The following MALRD1 variants were observed in gnomAD, a reference collection of about 807,000 sequenced individuals.
MALRD1 encodes MAM and LDL receptor class A domain containing 1.
A neutral mutation model predicts 242.1 loss-of-function variants in MALRD1; 247 were observed. The observed-to-expected ratio is 1.02, with a 90% CI of 0.92 to 1.13. MALRD1 has a LOEUF of 1.13. Ranked by LOEUF, MALRD1 falls within the 50% of genes most tolerant of loss-of-function variation. The probability of loss-of-function intolerance (pLI) is 0.00; values close to 1 mark genes in which losing one functional copy is unlikely to be tolerated. For synonymous variants in MALRD1, 995 were observed against 866.6 expected, an observed-to-expected ratio of 1.15 and a Z score of -2.60; for missense variants, 2,989 against 2,533.1, an observed-to-expected ratio of 1.18 and a Z score of -3.86.
intron 5 of MALRD1, among the ~76,000 whole-genome samples, chr10:19,112,408 A>G (rs561375689): frequency 1.3e-5 from 2 of 152,200 alleles, no homozygotes; most frequent in Admixed American, 1.3e-4. Context: ...GAGGATAGGG[A>G]TAGGGCTTCT....
At chr10:19,603,173 G>A (rs1838447248) in intron 34 of MALRD1, among the ~76,000 whole-genome samples, 1 of 151,952 alleles carries the variant, frequency 6.6e-6, no homozygotes, top group Non-Finnish European at 1.5e-5. Context: ...AATTTCTTTT[G>A]CTGTGCAGAA....
At chr10:19,587,448 G>T (rs1002632510) in intron 33 of MALRD1, among the ~76,000 whole-genome samples, 23 of 152,248 alleles carry the variant, frequency 1.5e-4, no homozygotes, top group Middle Eastern at 3.4e-3. Context: ...CTTCAAAACA[G>T]ACAATTTTCC....
At chr10:19,101,086 A>T (rs1836232650) in intron 4 of MALRD1, among the ~76,000 whole-genome samples, 1 of 151,704 alleles carries the variant, frequency 6.6e-6, no homozygotes, top group Admixed American at 6.6e-5. Flanking sequence ...GCTGTTTTAC[A>T]TGTTCGCAAC....
chr10:19,479,116 T>C (rs868560674), intron 29 of MALRD1, among the ~76,000 whole-genome samples: 10 of 152,326 alleles, frequency 6.6e-5, no homozygotes, highest in South Asian at 4.1e-4. Context: ...TCAAAAGATA[T>C]CTAGGTTTTG....
At chr10:19,168,511 T>C (rs1834793982) in intron 13 of MALRD1, among the ~76,000 whole-genome samples, 1 of 152,246 alleles carries the variant, frequency 6.6e-6, no homozygotes, top group African/African-American at 2.4e-5. Context: ...CATTTCTGTC[T>C]ACAGCTGGAA....
chr10:19,332,569 A>G (rs1588924026), intron 24 of MALRD1, among the ~76,000 whole-genome samples: 2 of 152,324 alleles, frequency 1.3e-5, no homozygotes, highest in East Asian at 1.9e-4. Context: ...AGGTTGACAA[A>G]TTATGTCACC....
intron 11 of MALRD1, among the ~76,000 whole-genome samples, chr10:19,151,838 C>T (rs1356329140): frequency 6.6e-6 from 1 of 152,066 alleles, no homozygotes; most frequent in Non-Finnish European, 1.5e-5. Flanking sequence ...TATTAAACCC[C>T]TCTTGCACTC....
At chr10:19,160,606 T>C (rs1277849824) in intron 12 of MALRD1, among the ~76,000 whole-genome samples, 1 of 19,134 alleles carries the variant, frequency 5.2e-5, no homozygotes, top group African/African-American at 2.4e-4. Flanking sequence ...CTCTTTTTGG[T>C]TGGTAAACTA....
At chr10:19,204,637 T>C (rs1270660590) in intron 16 of MALRD1, among the ~76,000 whole-genome samples, 4 of 152,176 alleles carry the variant, frequency 2.6e-5, no homozygotes, top group Non-Finnish European at 5.9e-5. Flanking sequence ...CCCCCAACCA[T>C]GGATTATAAT....
At chr10:19,084,198 A>T (rs747083245) in intron 2 of MALRD1, among the ~76,000 whole-genome samples, 2 of 152,004 alleles carry the variant, frequency 1.3e-5, no homozygotes, top group Non-Finnish European at 2.9e-5. Context: ...AATTGGTATG[A>T]GTCAAAACGT....
intron 18 of MALRD1, among the ~76,000 whole-genome samples, chr10:19,224,284 C>CTTTTTTTTTTTTTTTT (rs377702801): frequency 7.3e-6 from 1 of 136,350 alleles, no homozygotes. Flanking sequence ...GGATGATGAG[C>CTTTTTTTTTTTTTTTT]TTTTTTTTTT....
At chr10:19,246,646 G>A (rs988964466) in intron 18 of MALRD1, among the ~76,000 whole-genome samples, 6 of 152,238 alleles carry the variant, frequency 3.9e-5, no homozygotes, top group East Asian at 1.9e-4. Flanking sequence ...TCTTGTGACA[G>A]ATGAAGCTGA....
chr10:19,605,797 T>G (rs1034161111), intron 34 of MALRD1, among the ~76,000 whole-genome samples: 1 of 152,142 alleles, frequency 6.6e-6, no homozygotes, highest in Non-Finnish European at 1.5e-5. Flanking sequence ...GTTATTATTT[T>G]CAGCTGTTTA....
chr10:19,705,804 T>TGAAAAA (rs71388859), intron 38 of MALRD1, among the ~76,000 whole-genome samples: 2 of 102,904 alleles, frequency 1.9e-5, no homozygotes, highest in Non-Finnish European at 3.5e-5. Context: ...CCTGCAATAG[T>TGAAAAA]AAAAAAAAAA....
chr10:19,535,397 A>AT (rs56902718), intron 32 of MALRD1, among the ~76,000 whole-genome samples: 1 of 151,824 alleles, frequency 6.6e-6, no homozygotes, highest in Non-Finnish European at 1.5e-5. Context: ...CTAGTATGCA[A>AT]TTTTTTAAAA....
chr10:19,171,730 G>GTA (rs1259186383), intron 13 of MALRD1, among the ~76,000 whole-genome samples: 1 of 139,796 alleles, frequency 7.2e-6, no homozygotes, highest in East Asian at 2.1e-4. Flanking sequence ...ACGTATATAC[G>GTA]TATATATATC....
intron 29 of MALRD1, among the ~76,000 whole-genome samples, chr10:19,462,280 A>C (rs2131100071): frequency 6.6e-6 from 1 of 152,300 alleles, no homozygotes; most frequent in Middle Eastern, 3.4e-3. Context: ...CAGAGCCACT[A>C]TCTACCTGCC....
At position 19,388,573 on chromosome 10, in the gene MALRD1, A is replaced by G. The variant is rs138948505; in HGVS notation, c.4687+800A>G. Among the ~76,000 whole-genome samples the G allele has an allele frequency of 2.9e-3, 448 of 152,222 alleles. 1 individual carries two copies. Among genetic ancestry groups the G allele is most frequent in the African/African-American group, 0.01 (427 of 41,540 alleles). On this transcript the variant is annotated intron_variant, in intron 27 of 39. Transcript: ENST00000454679. ...AATTTGACCTGTGTGCCTCACAGAG[A>G]TTGTGGAGATGATGTATATGAAGAG... is the stretch of plus-strand genomic sequence containing the variant.
At position 19,734,167 on chromosome 10, in the gene MALRD1, A is replaced by T. The variant is rs376090463; in HGVS notation, c.6401A>T (p.Tyr2134Phe). 6.5e-7 allele frequency: 1 copy of T among 1,534,842 alleles called. No homozygotes were observed. The highest frequency in any genetic ancestry group is 8.7e-7 in the Non-Finnish European group (1 of 1,146,430). ...SNPEKTESSV[Y>F]SFSNPLYGTT... is the part of the protein sequence containing the mutation. ...GTTTTTCTTCGTCAGAGTTCTGTCT[A>T]TTCCTTCTCAAACCCATTATATGGC... The change falls in exon 40 of 40, where the codon TAT becomes TTT. Residue 2134 changes from tyrosine (Y) to phenylalanine (F), a missense_variant. Transcript: ENST00000454679.
Sources: allele counts gnomAD v4.1 joint callset (sites outside exome capture counted in the v4.1 genomes callset), GRCh38; gene constraint gnomAD v4.1.1; transcripts MANE v1.5; gene names NCBI Gene and HGNC (gene_info 2026-07-23, HGNC 2026-07-21).